Variants in FGF13 observed in about 807,000 individuals in gnomAD.
FGF13 encodes the protein fibroblast growth factor homologous factor 2.
Under a neutral mutation model 19.5 loss-of-function variants are expected in FGF13, and 2 were observed. The observed-to-expected ratio is 0.10, with a 90% CI of 0.04 to 0.32. The LOEUF is 0.32. Among genes scored for constraint, FGF13 ranks in the 10% least tolerant of loss-of-function variants. The pLI is 1.00. For missense variants in FGF13, 113 were observed against 192.7 expected (o/e 0.59, Z 2.45); for synonymous variants, 72 against 76.9 (o/e 0.94, Z 0.33).
intron 3 of FGF13, among the ~76,000 whole-genome samples, chrX:138,689,519 C>T (rs915544428): frequency 9.0e-6 from 1 of 111,644 alleles, no homozygotes; most frequent in African/African-American, 3.3e-5. Context: ...AAACCAAACA[C>T]CTCTCTTGAT....
chrX:138,675,584 A>AT (rs1329116837), intron 3 of FGF13, among the ~76,000 whole-genome samples: 47 of 111,505 alleles, frequency 4.2e-4, no homozygotes, highest in African/African-American at 1.1e-3. Context: ...TAACATCTAT[A>AT]AAATATTACA....
At chrX:139,203,458 C>T (rs938912243) in exon 1 of FGF13, 13 of 82,311 alleles carry the variant, frequency 1.6e-4, no homozygotes, top group African/African-American at 5.5e-4. Context: ...CCTGCCTTCC[C>T]GGAGGGTTGG....
intron 3 of FGF13, among the ~76,000 whole-genome samples, chrX:138,694,642 T>C (rs1321216164): frequency 3.7e-5 from 4 of 106,980 alleles, no homozygotes; most frequent in Non-Finnish European, 7.7e-5. Context: ...ATTTTTATTT[T>C]TTTAAATTTT....
At chrX:138,953,697 A>G (rs1041097473) in intron 1 of FGF13, among the ~76,000 whole-genome samples, 1 of 111,797 alleles carries the variant, frequency 8.9e-6, no homozygotes, top group Non-Finnish European at 1.9e-5. Context: ...GTAGAATGAT[A>G]AGCAAATTAT....
At chrX:138,698,995 T>C (rs770884616) in intron 3 of FGF13, among the ~76,000 whole-genome samples, 1 of 111,764 alleles carries the variant, frequency 8.9e-6, no homozygotes, top group Non-Finnish European at 1.9e-5. Flanking sequence ...TTAGCTTACC[T>C]ACTCCTGTTT....
At chrX:138,843,216 G>A (rs1297876225) in intron 3 of FGF13, among the ~76,000 whole-genome samples, 3 of 112,166 alleles carry the variant, frequency 2.7e-5, no homozygotes, top group African/African-American at 9.7e-5. Flanking sequence ...CAGTTCGCAT[G>A]TTAAATGTAA....
chrX:139,057,489 A>T (rs771495045), intron 1 of FGF13, among the ~76,000 whole-genome samples: 1 of 111,832 alleles, frequency 8.9e-6, no homozygotes, highest in Non-Finnish European at 1.9e-5. Flanking sequence ...AAATTCCACT[A>T]CCAGGTATAT....
intron 3 of FGF13, among the ~76,000 whole-genome samples, chrX:138,663,763 T>C (rs1055534926): frequency 9.0e-6 from 1 of 111,489 alleles, no homozygotes; most frequent in African/African-American, 3.3e-5. Flanking sequence ...TGGCCATCTA[T>C]GCAAAATCCA....
At chrX:138,815,449 A>T (rs2090955379) in intron 3 of FGF13, among the ~76,000 whole-genome samples, 1 of 110,972 alleles carries the variant, frequency 9.0e-6, no homozygotes, top group Non-Finnish European at 1.9e-5. Flanking sequence ...AATACGTAAA[A>T]TTTTTATTGG....
Position 138,623,872 on chromosome X carries a change from A to C in FGF13, c.*8978T>G, listed in dbSNP as rs2089034221. 1 of 112,008 alleles carries C rather than the reference A, an allele frequency of 8.9e-6. No homozygotes were observed. Among genetic ancestry groups the C allele is most frequent in the Non-Finnish European group, 1.9e-5 (1 of 53,213 alleles). The allele number at this position is 112,008 out of a possible 1,213,427, so 9.2% of individuals were successfully genotyped here. ...AAAAAGGAAAATGTACTTAGGAATA[A>C]GTTTAACCAAGGAGGTGAAAAATCT... is the stretch of plus-strand genomic sequence containing the variant. On this transcript the variant is annotated 3_prime_UTR_variant, in exon 5 of 5. Coordinates refer to ENST00000315930, the MANE Select transcript of FGF13 (RefSeq NM_004114.5).
chrX:139,186,202 TAAGA>T (rs1030731223), intron 1 of FGF13, among the ~76,000 whole-genome samples: 5 of 111,455 alleles, frequency 4.5e-5, no homozygotes, highest in Admixed American at 1.9e-4. Context: ...TGGGAAAATG[TAAGA>T]GATGAAAAAA....
At chrX:138,918,723 G>A (rs193001753) in intron 1 of FGF13, among the ~76,000 whole-genome samples, 1 of 111,523 alleles carries the variant, frequency 9.0e-6, no homozygotes, top group African/African-American at 3.3e-5. Context: ...AATAAGGAGG[G>A]TAGCACAAGA....
intron 1 of FGF13, among the ~76,000 whole-genome samples, chrX:139,191,367 G>A (rs1280949013): frequency 1.8e-5 from 2 of 111,776 alleles, no homozygotes; most frequent in African/African-American, 6.5e-5. Flanking sequence ...TCTGCATGCT[G>A]CCCTTTAAAG....
intron 1 of FGF13, among the ~76,000 whole-genome samples, chrX:139,143,640 A>C (rs983986484): frequency 1.8e-5 from 2 of 111,449 alleles, no homozygotes; most frequent in African/African-American, 6.5e-5. Flanking sequence ...CATTCATCCC[A>C]TTTTGGACCT....
rs200586408 is a variant in FGF13 at position 139,055,871 on chromosome X, ATGTCT to A, written c.-113+147540_-113+147544del. Among the ~76,000 whole-genome samples the A allele has an allele frequency of 5.7e-3, 643 of 112,540 alleles. 5 individuals carry two copies. The highest frequency in any genetic ancestry group is 0.02 in the African/African-American group (608 of 30,991). On this transcript the variant is annotated intron_variant, in intron 1 of 2. Coordinates refer to the FGF13 transcript ENST00000421460. ...TGTGATAAGGGCTCTTTTCAAACTA[ATGTCT>A]TATCTTTCTTAGTGCCTCAAAACTA...
chrX:138,871,186 C>T (rs1483115048), intron 1 of FGF13, among the ~76,000 whole-genome samples: 3 of 112,317 alleles, frequency 2.7e-5, no homozygotes, highest in African/African-American at 6.5e-5. Context: ...ATATTGTATG[C>T]AGAATTGACA....
intron 3 of FGF13, among the ~76,000 whole-genome samples, chrX:138,812,774 G>C (rs2090935774): frequency 9.0e-6 from 1 of 111,354 alleles, no homozygotes; most frequent in Non-Finnish European, 1.9e-5. Context: ...CGGGTTTCCA[G>C]GTTTGTTACA....
At chrX:138,682,961 T>C (rs2089744190) in intron 3 of FGF13, among the ~76,000 whole-genome samples, 1 of 111,227 alleles carries the variant, frequency 9.0e-6, no homozygotes, top group Admixed American at 9.6e-5. Context: ...CTGAAGTGAG[T>C]GGAAGGGCTA....
chrX:139,141,985 G>A (rs764230294), intron 1 of FGF13, among the ~76,000 whole-genome samples: 21 of 111,609 alleles, frequency 1.9e-4, no homozygotes, highest in African/African-American at 5.5e-4. Context: ...CTAAGAAGCC[G>A]AAAAAGAGAA....
Sources: gnomAD v4.1 joint callset for allele counts (sites outside exome capture counted in the v4.1 genomes callset) on GRCh38, gnomAD v4.1.1 for gene constraint, MANE v1.5 for transcripts, NCBI Gene and HGNC (gene_info 2026-07-23, HGNC 2026-07-21) for gene names.